Variants in DNAJC3 observed in about 807,000 individuals in gnomAD.
DNAJC3 encodes the protein DnaJ heat shock protein family (Hsp40) member C3.
DNAJC3 carries 38 observed loss-of-function variants against 68.6 expected under a neutral mutation model. The ratio of observed to expected loss-of-function variants is 0.55; its 90% CI spans 0.43 to 0.73. The LOEUF is 0.73. DNAJC3 is among the 30% of genes least tolerant of loss of function. The pLI is 0.00. For missense variants in DNAJC3, 526 were observed against 591.9 expected, an observed-to-expected ratio of 0.89 and a Z score of 1.16; for synonymous variants, 203 against 204.0, an observed-to-expected ratio of 1.00 and a Z score of 0.04.
chr13:95,701,078 C>T (rs1277106947), intron 1 of DNAJC3, among the ~76,000 whole-genome samples: 1 of 152,182 alleles, frequency 6.6e-6, no homozygotes, highest in Non-Finnish European at 1.5e-5. Flanking sequence ...ACAAAGGTAG[C>T]ATCCTTCCTA....
At chr13:95,718,798 ATTC>A (rs1298950576) in intron 2 of DNAJC3, among the ~76,000 whole-genome samples, 2 of 152,240 alleles carry the variant, frequency 1.3e-5, no homozygotes, top group African/African-American at 4.8e-5. Flanking sequence ...CCCGTGCAGA[ATTC>A]TTCTGTGACC....
At chr13:95,737,216 G>A (rs1023362683) in intron 4 of DNAJC3, among the ~76,000 whole-genome samples, 4 of 151,746 alleles carry the variant, frequency 2.6e-5, no homozygotes, top group Non-Finnish European at 4.4e-5. Flanking sequence ...TGCTGGATTC[G>A]TTTTGCCAGT....
At chr13:95,683,801 G>C (rs1302295382) in intron 1 of DNAJC3, among the ~76,000 whole-genome samples, 1 of 151,878 alleles carries the variant, frequency 6.6e-6, no homozygotes, top group African/African-American at 2.4e-5. Context: ...TGTTGTGGAG[G>C]TGGGCGCCTG....
At chr13:95,686,041 A>T (rs753213093) in intron 1 of DNAJC3, among the ~76,000 whole-genome samples, 11 of 151,310 alleles carry the variant, frequency 7.3e-5, no homozygotes, top group Non-Finnish European at 1.2e-4. Context: ...GGCTCACTGC[A>T]AGCTCCGCCT....
intron 4 of DNAJC3, among the ~76,000 whole-genome samples, chr13:95,754,702 T>G (rs1882597133): frequency 6.6e-6 from 1 of 152,104 alleles, no homozygotes; most frequent in South Asian, 2.1e-4. Context: ...GTTATTCTGT[T>G]TGTTAAAAGG....
In DNAJC3 at chr13:95,794,100, TCTC is replaced by T. The variant is rs1883886299; in HGVS notation, c.*3071_*3073del. On this transcript the variant is annotated 3_prime_UTR_variant, in exon 12 of 12. Coordinates refer to ENST00000602402, the MANE Select transcript of DNAJC3 (RefSeq NM_006260.5). ...CGTACTACTAATTCTACAATGCCTT[TCTC>T]TTTAGTCAGTATTAAAAATCTTTTT... 6.6e-6 allele frequency: 1 copy of T among 152,240 alleles called. No homozygotes were observed. The highest frequency in any genetic ancestry group is 6.5e-5 in the Admixed American group (1 of 15,292). 9.4% of individuals were successfully genotyped at this position (152,240 alleles called of 1,614,324 possible).
At chr13:95,678,478 T>C (rs943515205) in intron 1 of DNAJC3, among the ~76,000 whole-genome samples, 8 of 152,220 alleles carry the variant, frequency 5.3e-5, no homozygotes, top group African/African-American at 1.9e-4. Flanking sequence ...TCAGAACACG[T>C]AGTGTGGCAA....
At chr13:95,783,513 A>G (rs947904817) in intron 9 of DNAJC3, among the ~76,000 whole-genome samples, 1 of 152,202 alleles carries the variant, frequency 6.6e-6, no homozygotes, top group African/African-American at 2.4e-5. Flanking sequence ...TGTAAAGTTA[A>G]ACCTTACTAC....
intron 11 of DNAJC3, among the ~76,000 whole-genome samples, chr13:95,787,439 T>A (rs1883635089): frequency 6.6e-6 from 1 of 152,200 alleles, no homozygotes; most frequent in Non-Finnish European, 1.5e-5. Flanking sequence ...CTCAGTTTTT[T>A]CAACACTGAG....
At chr13:95,711,190 T>A (rs910514835) in intron 2 of DNAJC3, among the ~76,000 whole-genome samples, 1 of 152,166 alleles carries the variant, frequency 6.6e-6, no homozygotes, top group Non-Finnish European at 1.5e-5. Flanking sequence ...AGGAAACATA[T>A]TTTTTTGATG....
At chr13:95,700,393 A>T (rs1880553294) in intron 1 of DNAJC3, among the ~76,000 whole-genome samples, 1 of 152,172 alleles carries the variant, frequency 6.6e-6, no homozygotes, top group African/African-American at 2.4e-5. Flanking sequence ...TTGGGATGGC[A>T]TATTCTGGTC....
At chr13:95,715,973 A>G (rs922334055) in intron 2 of DNAJC3, among the ~76,000 whole-genome samples, 1 of 151,262 alleles carries the variant, frequency 6.6e-6, no homozygotes. Flanking sequence ...CCTGGCCAAC[A>G]TGGTGAAACC....
intron 5 of DNAJC3, among the ~76,000 whole-genome samples, chr13:95,759,323 T>C (rs1158228102): frequency 1.3e-5 from 2 of 152,210 alleles, no homozygotes; most frequent in Non-Finnish European, 2.9e-5. Flanking sequence ...AAAAAGGTTT[T>C]TGTTTAGAGA....
At chr13:95,776,352 G>C (rs1269788354) in intron 9 of DNAJC3, among the ~76,000 whole-genome samples, 1 of 152,144 alleles carries the variant, frequency 6.6e-6, no homozygotes, top group Non-Finnish European at 1.5e-5. Context: ...TCTTTTTTCA[G>C]TGTTCTGGAG....
At chr13:95,681,051 G>C (rs1259008375) in intron 1 of DNAJC3, among the ~76,000 whole-genome samples, 1 of 152,194 alleles carries the variant, frequency 6.6e-6, no homozygotes, top group Non-Finnish European at 1.5e-5. Flanking sequence ...ACGTAGCATA[G>C]AACTCATGGC....
chr13:95,785,438 T>A (rs1285776409), intron 9 of DNAJC3, among the ~76,000 whole-genome samples: 1 of 150,758 alleles, frequency 6.6e-6, no homozygotes. Flanking sequence ...TTTTCATTAT[T>A]ATGCCTTTTA....
At chr13:95,715,734 C>G (rs111708271) in intron 2 of DNAJC3, among the ~76,000 whole-genome samples, 1,765 of 151,938 alleles carry the variant, frequency 0.012, 35 homozygotes, top group African/African-American at 0.039. Context: ...GATCCACCCC[C>G]CCTTGGCCTC....
intron 1 of DNAJC3, among the ~76,000 whole-genome samples, chr13:95,707,345 C>T (rs1344569540): frequency 6.6e-6 from 1 of 152,102 alleles, no homozygotes; most frequent in African/African-American, 2.4e-5. Context: ...TCAAAAGAAC[C>T]CACCCCACAT....
intron 1 of DNAJC3, among the ~76,000 whole-genome samples, chr13:95,681,657 A>G (rs1304186563): frequency 2.0e-5 from 3 of 152,210 alleles, no homozygotes; most frequent in African/African-American, 7.2e-5. Flanking sequence ...CCTGGCCCTG[A>G]TTAGTCTCAT....
Sources: allele counts gnomAD v4.1 joint callset (sites outside exome capture counted in the v4.1 genomes callset), GRCh38; gene constraint gnomAD v4.1.1; transcripts MANE v1.5; gene names NCBI Gene and HGNC (gene_info 2026-07-23, HGNC 2026-07-21).